Variants in CCSER1 observed in about 807,000 individuals in gnomAD.
CCSER1 encodes the protein serine-rich coiled-coil domain-containing protein 1.
A neutral mutation model predicts 82.0 loss-of-function variants in CCSER1; 41 were observed. The ratio of observed to expected loss-of-function variants is 0.50; its 90% CI spans 0.39 to 0.65. The LOEUF (loss-of-function observed/expected upper bound fraction) is 0.65, where lower values mean the gene tolerates loss of function less well. Ranked by LOEUF, CCSER1 falls within the 30% of genes least tolerant of loss-of-function variation. The probability of loss-of-function intolerance (pLI) is 0.00; values close to 1 mark genes in which losing one functional copy is unlikely to be tolerated. For synonymous variants in CCSER1, 414 were observed against 383.9 expected (o/e 1.08, Z -0.92); for missense variants, 1,119 against 1,064.2 (o/e 1.05, Z -0.72).
At chr4:91,103,853 G>C (rs542145713) in intron 10 of CCSER1, among the ~76,000 whole-genome samples, 1 of 152,136 alleles carries the variant, frequency 6.6e-6, no homozygotes, top group East Asian at 1.9e-4. Context: ...CTGCCTGCGG[G>C]GTCGGGCAAA....
intron 10 of CCSER1, among the ~76,000 whole-genome samples, chr4:91,463,754 G>C (rs76734390): frequency 1.3e-5 from 2 of 152,194 alleles, no homozygotes; most frequent in African/African-American, 4.8e-5. Context: ...AAGGGTATCA[G>C]TGATTGAAGA....
intron 10 of CCSER1, among the ~76,000 whole-genome samples, chr4:91,137,632 T>C (rs1384889266): frequency 1.4e-5 from 2 of 146,186 alleles, no homozygotes; most frequent in South Asian, 2.3e-4. Context: ...CCACCAACAG[T>C]GTCAAAGTGT....
intron 9 of CCSER1, among the ~76,000 whole-genome samples, chr4:90,984,642 G>A (rs1241323688): frequency 2.0e-5 from 3 of 151,716 alleles, no homozygotes. Flanking sequence ...TCTTTTAATG[G>A]AGTGGTGTCA....
intron 1 of CCSER1, among the ~76,000 whole-genome samples, chr4:90,271,845 T>C (rs1412387254): frequency 0.019 from 448 of 23,878 alleles, 10 homozygotes; most frequent in Non-Finnish European, 0.026. Flanking sequence ...TATATATATA[T>C]ATATATATAT....
At chr4:90,216,973 T>G (rs565029529) in intron 1 of CCSER1, among the ~76,000 whole-genome samples, 1 of 152,344 alleles carries the variant, frequency 6.6e-6, no homozygotes, top group African/African-American at 2.4e-5. Context: ...CAGTGTTTTG[T>G]AGTTCTCCTT....
intron 9 of CCSER1, among the ~76,000 whole-genome samples, chr4:90,940,319 C>T (rs1731445885): frequency 6.6e-6 from 1 of 151,692 alleles, no homozygotes; most frequent in African/African-American, 2.4e-5. Context: ...TTCCTTATCC[C>T]TCCCTTCTCC....
chr4:91,406,668 CT>C (rs1752721652), intron 10 of CCSER1, among the ~76,000 whole-genome samples: 1 of 152,052 alleles, frequency 6.6e-6, no homozygotes, highest in South Asian at 2.1e-4. Context: ...ATGATTTTTC[CT>C]GGTACATAAA....
chr4:90,647,774 T>C (rs1713769639), intron 6 of CCSER1, among the ~76,000 whole-genome samples: 2 of 152,152 alleles, frequency 1.3e-5, no homozygotes, highest in African/African-American at 4.8e-5. Flanking sequence ...TAAGTTTAAA[T>C]GGACTTAAGT....
intron 3 of CCSER1, among the ~76,000 whole-genome samples, chr4:90,326,547 CT>C (rs758190343): frequency 2.0e-5 from 3 of 151,990 alleles, no homozygotes; most frequent in Non-Finnish European, 4.4e-5. Context: ...CCTACTAATT[CT>C]TTTAAATCTC....
intron 9 of CCSER1, among the ~76,000 whole-genome samples, chr4:90,933,243 G>A (rs1447911954): frequency 5.3e-5 from 8 of 150,200 alleles, no homozygotes; most frequent in Non-Finnish European, 1.2e-4. Flanking sequence ...GCTGGAGTGC[G>A]GAGGCGCGGT....
intron 10 of CCSER1, among the ~76,000 whole-genome samples, chr4:91,448,525 T>C (rs1755696251): frequency 6.6e-6 from 1 of 152,100 alleles, no homozygotes; most frequent in Admixed American, 6.6e-5. Context: ...TGTGTGGTCT[T>C]AGATAGAGTT....
chr4:90,956,457 T>C (rs1209503057), intron 9 of CCSER1, among the ~76,000 whole-genome samples: 2 of 152,170 alleles, frequency 1.3e-5, no homozygotes, highest in African/African-American at 4.8e-5. Context: ...CTCTTGAACA[T>C]GTCCCTAGTG....
intron 1 of CCSER1, among the ~76,000 whole-genome samples, chr4:90,224,535 A>G (rs1236044046): frequency 1.3e-5 from 2 of 152,174 alleles, no homozygotes; most frequent in Non-Finnish European, 2.9e-5. Flanking sequence ...CTATTATAAC[A>G]TATTTTTTCT....
chr4:90,720,213 T>C (rs1742427089), intron 6 of CCSER1, among the ~76,000 whole-genome samples: 1 of 152,028 alleles, frequency 6.6e-6, no homozygotes, highest in African/African-American at 2.4e-5. Flanking sequence ...AATCATCTTG[T>C]GCCTCTTGTA....
Position 90,312,919 on chromosome 4 carries a change from C to T in CCSER1, c.1381C>T (p.Arg461Ter), listed in dbSNP as rs774754092. ...AGGAAGATTTATAGAGAGGAGACTG[C>T]GATCCTCGTCAGAAGGCACTGCAGG... ...REGRFIERRL[R>*]SSSEGTAGSS... The change falls in exon 3 of 11, where the codon CGA becomes TGA. Residue 461 changes from arginine to a stop codon, truncating the protein, a stop_gained. Transcript: ENST00000509176. LOFTEE classifies it high-confidence loss of function. The T allele has an allele frequency of 3.2e-6, 5 of 1,584,440 alleles. No homozygotes were observed. The highest frequency in any genetic ancestry group is 1.3e-5 in the African/African-American group (1 of 74,338).
chr4:91,568,433 A>C (rs1763001454), intron 10 of CCSER1, among the ~76,000 whole-genome samples: 1 of 152,000 alleles, frequency 6.6e-6, no homozygotes, highest in Non-Finnish European at 1.5e-5. Context: ...CGATATCCTG[A>C]ATTATGTTTT....
chr4:90,425,940 T>C (rs1757470865), intron 4 of CCSER1, among the ~76,000 whole-genome samples: 1 of 151,724 alleles, frequency 6.6e-6, no homozygotes. Context: ...AAAACGTTAA[T>C]GAAGAAAAGA....
chr4:90,901,746 A>G (rs1414764612), intron 8 of CCSER1, among the ~76,000 whole-genome samples: 1 of 151,922 alleles, frequency 6.6e-6, no homozygotes. Flanking sequence ...GACCTTGGAT[A>G]ATCTCATGAC....
At chr4:91,275,803 T>G (rs72877058) in intron 10 of CCSER1, among the ~76,000 whole-genome samples, 3,322 of 152,322 alleles carry the variant, frequency 0.022, 128 homozygotes, top group African/African-American at 0.076. Flanking sequence ...CTTTTAGATT[T>G]AAGTCTTTAA....
Sources: gnomAD v4.1 joint callset for allele counts (sites outside exome capture counted in the v4.1 genomes callset) on GRCh38, gnomAD v4.1.1 for gene constraint, MANE v1.5 for transcripts, NCBI Gene and HGNC (gene_info 2026-07-23, HGNC 2026-07-21) for gene names.